Variants in MORC2 observed in about 807,000 individuals in gnomAD.
MORC2 encodes ATPase MORC2.
Under a neutral mutation model 136.0 loss-of-function variants are expected in MORC2, and 30 were observed. The ratio of observed to expected loss-of-function variants is 0.22; its 90% CI spans 0.17 to 0.30. MORC2 has a LOEUF of 0.30. MORC2 is among the 10% of genes least tolerant of loss of function. The pLI, the probability that MORC2 is intolerant of heterozygous loss-of-function variation, is 1.00. For synonymous variants in MORC2, 439 were observed against 487.0 expected (o/e 0.90, Z 1.30); for missense variants, 922 against 1,333.1 (o/e 0.69, Z 4.80).
intron 24 of MORC2, chr22:30,929,905 A>G (rs1251247547): frequency 1.3e-5 from 2 of 152,114 alleles, no homozygotes; most frequent in Admixed American, 6.5e-5. Flanking sequence ...GCTGGAGTCC[A>G]GTGGCACAAT....
Position 30,928,085 on chromosome 22 carries a change from G to A in MORC2, c.2964C>T (p.Arg988=), listed in dbSNP as rs769387633. 1.2e-5 allele frequency: 19 copies of A among 1,614,060 alleles called. No homozygotes were observed. The highest frequency in any genetic ancestry group is 6.7e-5 in the Admixed American group (4 of 60,028). ...ESLRTSERKL[R]ETEEKLQKLR... ...GCTTCTGCAGCTTCTCCTCCGTCTC[G>A]CGGAGCTTCCTCTCGGAGGTGCGCA... Residue 988 remains arginine (R), a synonymous_variant, in exon 25 of 26, where the codon CGC becomes CGT. Transcript: ENST00000397641.
rs1480090504 is a variant in MORC2, at chr22:30,927,959, A to AG, written c.3030+59dup. On this transcript the variant is annotated intron_variant, in intron 25 of 25. Transcript: ENST00000397641. ...TCTTGTGAGAACAGGAACAGGGCCC[A>AG]GGCCCCCCTCCCTGAGAGACCAGGT... 6 of 1,588,208 alleles carry AG rather than the reference A, an allele frequency of 3.8e-6. No homozygotes were observed. The African/African-American group carries it at 5.4e-5, about 14-fold the overall frequency.
At chr22:30,965,659 CAAAGTCCCAGAAA>C (rs1039198310) in intron 1 of MORC2, among the ~76,000 whole-genome samples, 2 of 152,170 alleles carry the variant, frequency 1.3e-5, no homozygotes, top group African/African-American at 4.8e-5. Flanking sequence ...ATGGGTAAGT[CAAAGTCCCAGAAA>C]ATTCCCCAAC....
intron 5 of MORC2, among the ~76,000 whole-genome samples, chr22:30,946,961 T>C (rs2040826037): frequency 6.6e-6 from 1 of 152,114 alleles, no homozygotes; most frequent in East Asian, 1.9e-4. Flanking sequence ...CTCCCCTCCA[T>C]TGACGAAACG....
intron 12 of MORC2, 51 bp downstream of exon 12, chr22:30,939,570 G>C: frequency 6.3e-7 from 1 of 1,575,598 alleles, no homozygotes; most frequent in Non-Finnish European, 8.7e-7. Context: ...TCAATAATCA[G>C]TCCAAAAGCT....
chr22:30,960,443 G>A (rs1042361846), intron 1 of MORC2, among the ~76,000 whole-genome samples: 1 of 152,022 alleles, frequency 6.6e-6, no homozygotes, highest in Non-Finnish European at 1.5e-5. Flanking sequence ...ATTCTTCTGG[G>A]TAAAATCTAA....
chr22:30,942,091 A>G lies in MORC2; in HGVS notation c.586+21T>C, dbSNP rs373752436. ...CTGGAGCTCCCAGATTCTAGGGGCT[A>G]CAGGCTCAAAGCCTACTTACCGCTG... On this transcript the variant is annotated intron_variant, in intron 7 of 25. Transcript: ENST00000397641. The G allele has an allele frequency of 3.7e-6, 6 of 1,612,178 alleles. No homozygotes were observed. In the African/African-American group the frequency reaches 8.0e-5, roughly 22 times the overall value.
chr22:30,932,950 C>A lies in MORC2; in HGVS notation c.2461G>T (p.Val821Leu). ...RVTAVEVGKH[V>L]VRWKVKFDYV... ...TCAAACTTCACCTTCCACCGCACCA[C>A]ATGCTTGCCCACCTCCACGGCTGTG... Residue 821 changes from valine to leucine, a missense_variant, in exon 22 of 26, where the codon GTG becomes TTG. Physicochemically the swap from Val to Leu is conservative, Grantham distance 32 (BLOSUM62 1). Around this residue, in one of 9 missense-constraint regions of MORC2, gnomAD observed 263 missense variants for 388.3 expected, o/e 0.68. Coordinates refer to ENST00000397641, the MANE Select transcript of MORC2 (RefSeq NM_001303256.3). This position sits in a 1 kb window ranked among gnomAD's most constrained non-coding sequence, Gnocchi z 4.4. The A allele has an allele frequency of 2.5e-6, 4 of 1,614,212 alleles. No individual in the cohort carries two copies. The highest frequency in any genetic ancestry group is 2.5e-6 in the Non-Finnish European group (3 of 1,180,028).
chr22:30,946,826 G>A (rs992993936), intron 5 of MORC2, among the ~76,000 whole-genome samples: 3 of 152,108 alleles, frequency 2.0e-5, no homozygotes, highest in Non-Finnish European at 2.9e-5. Flanking sequence ...CATCCCAGAC[G>A]CATGAGAGGT....
chr22:30,927,632 C>T (rs995788565), intron 25 of MORC2, among the ~76,000 whole-genome samples: 1 of 152,212 alleles, frequency 6.6e-6, no homozygotes, highest in African/African-American at 2.4e-5. Context: ...CATTCTGTAT[C>T]CACAGGACAG....
At chr22:30,939,376 GAAGAA>G (rs924100360) in intron 12 of MORC2, among the ~76,000 whole-genome samples, 4 of 152,142 alleles carry the variant, frequency 2.6e-5, no homozygotes, top group African/African-American at 9.7e-5. Context: ...AAGAAAAAGG[GAAGAA>G]AAGGTAAGAC....
chr22:30,950,269 A>T, intron 4 of MORC2, 108 bp downstream of exon 4: 2 of 1,077,638 alleles, frequency 1.9e-6, no homozygotes, highest in African/African-American at 1.6e-5. Context: ...TGGATCTTCT[A>T]GACATAACAT....
In MORC2 at chr22:30,926,741, C is replaced by T. The variant is rs557457548; in HGVS notation, c.*62G>A. ...ACCACCAACCCATGAATGAAGTCCCCTCCCCCTGCAGCTACAGGGTTGAGG... is the reference window on the plus strand; with the variant it reads ...ACCACCAACCCATGAATGAAGTCCCTTCCCCCTGCAGCTACAGGGTTGAGG... On this transcript the variant is annotated 3_prime_UTR_variant, in exon 26 of 26. Coordinates refer to ENST00000397641, the MANE Select transcript of MORC2 (RefSeq NM_001303256.3). 13 of 1,431,806 alleles carry T rather than the reference C, an allele frequency of 9.1e-6. No homozygotes were observed. In the East Asian group the frequency reaches 9.2e-5, roughly 10 times the overall value. The allele number at this position is 1,431,806 out of a possible 1,614,324, so 88.7% of individuals were successfully genotyped here.
Position 30,967,885 on chromosome 22 carries a change from G to A in MORC2, c.5C>T (p.Ala2Val), listed in dbSNP as rs958734314. 7.1e-6 allele frequency: 11 copies of A among 1,549,410 alleles called. No homozygotes were observed. The highest frequency in any genetic ancestry group is 8.7e-7 in the Non-Finnish European group (1 of 1,145,598). Residue 2 changes from alanine to valine, a missense_variant, in exon 1 of 26, where the codon GCT (alanine) becomes GTT (valine). Transcript: ENST00000397641. ...ATTCAGACTGCTGTAATTTGTGAAA[G>A]CCATGACTGCAATAAGGTCTCCAGC... is the stretch of plus-strand genomic sequence containing the variant. M[A>V]FTNYSSLNRA...
In MORC2 at chr22:30,941,555, C is replaced by T; in HGVS notation, c.702G>A (p.Lys234=). ...QMAETSPEGT[K]PERRSFRAYA... ...AGGCACGGAACGAGCGCCGCTCTGGCTTCCTGGAGAGGGCAAAAACAGAGA... is the reference window on the plus strand; with the variant it reads ...AGGCACGGAACGAGCGCCGCTCTGGTTTCCTGGAGAGGGCAAAAACAGAGA... Residue 234 remains lysine, a synonymous_variant, in exon 9 of 26, where the codon AAG becomes AAA. Coordinates refer to ENST00000397641, the MANE Select transcript of MORC2 (RefSeq NM_001303256.3). The surrounding 1 kb of genome is among the most constrained non-coding windows in gnomAD (Gnocchi z 4.6). The T allele has an allele frequency of 1.2e-6, 2 of 1,612,630 alleles. No individual in the cohort carries two copies.
chr22:30,947,047 G>A (rs963322150), intron 5 of MORC2, among the ~76,000 whole-genome samples: 15 of 152,300 alleles, frequency 9.8e-5, no homozygotes, highest in African/African-American at 3.1e-4. Flanking sequence ...AACCCAAGGC[G>A]CAGTAATACA....
chr22:30,958,745 T>C, intron 1 of MORC2, 51 bp from the exon 2 acceptor site: 2 of 1,419,202 alleles, frequency 1.4e-6, no homozygotes, highest in Non-Finnish European at 1.9e-6. Flanking sequence ...AAGTTATAAT[T>C]CCTAATAAAA....
chr22:30,945,496 AG>A (rs2040802557), intron 6 of MORC2, among the ~76,000 whole-genome samples: 1 of 152,176 alleles, frequency 6.6e-6, no homozygotes, highest in African/African-American at 2.4e-5. Flanking sequence ...AGAACCTCTT[AG>A]CCCCCCTTCT....
In MORC2 at chr22:30,932,703, A is replaced by T. The variant is rs1274820228; in HGVS notation, c.2589T>A (p.Asp863Glu). Residue 863 changes from aspartate (D) to glutamate (E), a missense_variant, in exon 23 of 26, where the codon GAT (aspartate) becomes GAA (glutamate). Physicochemically the swap from Asp to Glu is conservative, Grantham distance 45. Transcript: ENST00000397641. This position sits in a 1 kb window ranked among gnomAD's most constrained non-coding sequence, Gnocchi z 4.4. Reference protein sequence around the residue: ...KPPSPEHQSLDTQQEGGEEEV... With the variant: ...KPPSPEHQSLETQQEGGEEEV... Reference sequence around the variant, plus strand: ...CCTCCTCCCCGCCCTCCTGTTGTGTATCAAGGCTCTGATGTTCCGGAGAAG... The same window carrying T: ...CCTCCTCCCCGCCCTCCTGTTGTGTTTCAAGGCTCTGATGTTCCGGAGAAG... 2 of 1,614,158 alleles carry T rather than the reference A, an allele frequency of 1.2e-6. No homozygotes were observed. Among genetic ancestry groups the T allele is most frequent in the Admixed American group, 1.7e-5 (1 of 60,028 alleles).
Sources: gnomAD v4.1 joint callset for allele counts (sites outside exome capture counted in the v4.1 genomes callset) on GRCh38, gnomAD v4.1.1 for gene constraint, gnomAD v4.1.1 regional missense constraint, Gnocchi (gnomAD v3.1) non-coding constraint, MANE v1.5 for transcripts, NCBI Gene and HGNC (gene_info 2026-07-23, HGNC 2026-07-21) for gene names.